The following OR14I1 variants were observed in gnomAD, a reference collection of about 807,000 sequenced individuals.
OR14I1 encodes the protein olfactory receptor 14I1.
For synonymous variants in OR14I1, 118 were observed against 71.1 expected (o/e 1.66, Z -3.32); for missense variants, 279 against 181.8 (o/e 1.53, Z -3.07).
the OR14I1 span, among the ~76,000 whole-genome samples, chr1:248,696,538 A>G: frequency 1.3e-5 from 2 of 152,186 alleles, no homozygotes; most frequent in Admixed American, 1.3e-4. Context: ...AGAAGAAGCT[A>G]AGGCTCTTTC....
At chr1:248,694,085 A>G in the OR14I1 span, among the ~76,000 whole-genome samples, 1 of 152,168 alleles carries the variant, frequency 6.6e-6, no homozygotes, top group African/African-American at 2.4e-5. Flanking sequence ...AGAGGGAGGC[A>G]TGTGGGCAAC....
At chr1:248,700,963 A>G in the OR14I1 span, among the ~76,000 whole-genome samples, 12,325 of 152,242 alleles carry the variant, frequency 0.081, 1,633 homozygotes, top group African/African-American at 0.28. Context: ...ATACTTGCCA[A>G]CCATTTAATA....
the OR14I1 span, among the ~76,000 whole-genome samples, chr1:248,697,424 G>A: frequency 1.3e-5 from 2 of 149,214 alleles, no homozygotes; most frequent in African/African-American, 5.0e-5. Flanking sequence ...CTTTGAGGAA[G>A]TTGGTTCAGC....
chr1:248,681,290 T>G (rs529644229), downstream of OR14I1: 26 of 594,576 alleles, frequency 4.4e-5, no homozygotes, highest in East Asian at 5.1e-4. Context: ...CAACAATTTT[T>G]TCATCTTTTT....
chr1:248,683,953 A>T (rs1661602749), upstream of OR14I1, among the ~76,000 whole-genome samples: 1 of 152,146 alleles, frequency 6.6e-6, no homozygotes, highest in African/African-American at 2.4e-5. Flanking sequence ...ACTCGCTTGA[A>T]CCTGGGAGGT....
chr1:248,702,107 A>G, the OR14I1 span, among the ~76,000 whole-genome samples: 2 of 152,108 alleles, frequency 1.3e-5, no homozygotes, highest in East Asian at 1.9e-4. Flanking sequence ...CAAGGGAGAA[A>G]TCCACCCCCA....
At chr1:248,681,610 C>A in exon 1 of OR14I1, 1 of 780,906 alleles carries the variant, frequency 1.3e-6, no homozygotes, top group Non-Finnish European at 2.4e-6. Flanking sequence ...GGCTTTTGCT[C>A]GACTCTGTCC....
chr1:248,686,295 T>C (rs6660654), upstream of OR14I1, among the ~76,000 whole-genome samples: 111,818 of 152,070 alleles, frequency 0.74, 44,369 homozygotes, highest in Non-Finnish European at 0.88. Flanking sequence ...TTTACTGAAA[T>C]GTAAAACTAC....
the OR14I1 span, among the ~76,000 whole-genome samples, chr1:248,690,028 A>G: frequency 6.6e-6 from 1 of 152,234 alleles, no homozygotes. Context: ...TTTGAAACCA[A>G]TGAGAACAAA....
the OR14I1 span, among the ~76,000 whole-genome samples, chr1:248,694,805 T>C: frequency 1.3e-5 from 2 of 152,228 alleles, no homozygotes; most frequent in African/African-American, 4.8e-5. Context: ...GTATTACTAA[T>C]TTACCCACCA....
At chr1:248,680,967 C>CGTGTGTGTGTGTGTGT (rs34495040), downstream of OR14I1, among the ~76,000 whole-genome samples, 55 of 147,222 alleles carry the variant, frequency 3.7e-4, 1 homozygote, top group East Asian at 5.6e-3. Context: ...AAACTGTGTG[C>CGTGTGTGTGTGTGTGT]GTGTGTGTGT....
chr1:248,688,692 G>A, the OR14I1 span, among the ~76,000 whole-genome samples: 2 of 152,190 alleles, frequency 1.3e-5, no homozygotes, highest in African/African-American at 2.4e-5. Flanking sequence ...AGAGTTTGGG[G>A]CATAGCAAAG....
chr1:248,696,670 A>G, the OR14I1 span, among the ~76,000 whole-genome samples: 1 of 152,182 alleles, frequency 6.6e-6, no homozygotes, highest in African/African-American at 2.4e-5. Flanking sequence ...CACTCAAAAA[A>G]TGTCCCTTTT....
chr1:248,681,329 G>T (rs1460767429), exon 1 of OR14I1: 3 of 630,926 alleles, frequency 4.8e-6, no homozygotes, highest in Non-Finnish European at 5.7e-6. Context: ...GCTTTTTTGG[G>T]GTTTTGTTGC....
upstream of OR14I1, chr1:248,682,421 C>G (rs746440440): frequency 1.0e-4 from 60 of 598,270 alleles, no homozygotes; most frequent in African/African-American, 6.7e-4. Flanking sequence ...ATTCAATCCA[C>G]TGGACATCTT....
the OR14I1 span, chr1:248,698,749 A>G: frequency 1.1e-4 from 16 of 152,232 alleles, 1 homozygote; most frequent in Middle Eastern, 3.2e-3. Context: ...GATGGATCAC[A>G]CCAGAGTGTG....
upstream of OR14I1, among the ~76,000 whole-genome samples, chr1:248,683,135 A>G (rs1235521111): frequency 6.6e-6 from 1 of 152,228 alleles, no homozygotes; most frequent in Non-Finnish European, 1.5e-5. Flanking sequence ...ATGCACTGAA[A>G]GAGCCAGCAC....
At chr1:248,685,278 A>G (rs1341608632), upstream of OR14I1, among the ~76,000 whole-genome samples, 1 of 152,224 alleles carries the variant, frequency 6.6e-6, no homozygotes, top group Non-Finnish European at 1.5e-5. Flanking sequence ...ATCCATTATA[A>G]TACTATTTAA....
chr1:248,687,045 G>C (rs1661668929), upstream of OR14I1, among the ~76,000 whole-genome samples: 1 of 152,198 alleles, frequency 6.6e-6, no homozygotes, highest in Non-Finnish European at 1.5e-5. Context: ...CCTCCTCTGG[G>C]TTAAATTGTA....
Sources: gnomAD v4.1 joint callset for allele counts (sites outside exome capture counted in the v4.1 genomes callset) on GRCh38, gnomAD v4.1.1 for gene constraint, MANE v1.5 for transcripts, NCBI Gene and HGNC (gene_info 2026-07-23, HGNC 2026-07-21) for gene names.